Variants in SCIN observed in about 807,000 individuals in gnomAD.
The protein encoded by SCIN is adseverin.
Under a neutral mutation model 91.8 loss-of-function variants are expected in SCIN, and 91 were observed. The observed-to-expected ratio is 0.99, with a 90% CI of 0.84 to 1.18. The LOEUF is 1.18. Among genes scored for constraint, SCIN ranks in the 50% most tolerant of loss-of-function variants. The pLI is 0.00. For missense variants in SCIN, 1,087 were observed against 863.9 expected (o/e 1.26, Z -3.24); for synonymous variants, 367 against 312.6 (o/e 1.17, Z -1.84).
At position 12,629,234 on chromosome 7, in the gene SCIN, C is replaced by T. The variant is rs377629584; in HGVS notation, c.1319+12C>T. On this transcript the variant is annotated intron_variant, in intron 9 of 15. Transcript: ENST00000297029. ...ATTATCTACACGTGGTGAGTTTATACGGGTAAAGATCTCGAGTTCCACAGG... is the reference window on the plus strand; with the variant it reads ...ATTATCTACACGTGGTGAGTTTATATGGGTAAAGATCTCGAGTTCCACAGG... The T allele has an allele frequency of 8.7e-5, 138 of 1,594,010 alleles. 1 individual carries two copies. In the South Asian group the frequency reaches 9.0e-4, roughly 10 times the overall value.
chr7:12,627,159 T>C (rs1316677049), intron 8 of SCIN, among the ~76,000 whole-genome samples: 3 of 152,082 alleles, frequency 2.0e-5, no homozygotes, highest in Non-Finnish European at 4.4e-5. Flanking sequence ...TATATACATA[T>C]ATATTTATAA....
At chr7:12,626,140 T>TA (rs2115274804) in intron 7 of SCIN, 1 of 356,684 alleles carries the variant, frequency 2.8e-6, no homozygotes, top group Admixed American at 4.4e-5. Flanking sequence ...TTAAGAGTTA[T>TA]TATTCCTTAG....
Position 12,660,034 on chromosome 7 carries a change from C to G in SCIN, c.*7319C>G, listed in dbSNP as rs1367144258. On this transcript the variant is annotated 3_prime_UTR_variant, in exon 16 of 16. Transcript: ENST00000297029. ...GAGAATGTACTTTGTGAGATCCACC[C>G]CCTGCCAGCAAAACATTGCTCCTGA... is the stretch of plus-strand genomic sequence containing the variant. 6.6e-6 allele frequency: 1 copy of G among 152,386 alleles called. No homozygotes were observed. Among genetic ancestry groups the G allele is most frequent in the Middle Eastern group, 3.4e-3 (1 of 294 alleles). 9.4% of individuals were successfully genotyped at this position (152,386 alleles called of 1,614,324 possible). A position where few individuals can be genotyped will look rare whatever the true frequency, so the allele number is the denominator to read the frequency against.
In SCIN at chr7:12,581,187, A is replaced by T. The variant is rs1234865446; in HGVS notation, c.482A>T (p.Asn161Ile). ...GTTCCCCTTAGCTGGGACAGTTTCA[A>T]CAAGGGTGACTGCTTCATCATTGAC... ...TEVPLSWDSF[N>I]KGDCFIIDLG... Residue 161 changes from asparagine (N) to isoleucine (I), a missense_variant, in exon 3 of 16, where the codon AAC (asparagine) becomes ATC (isoleucine). Asn to Ile is a moderately radical substitution (Grantham distance 149, BLOSUM62 -3). Coordinates refer to ENST00000297029, the MANE Select transcript of SCIN (RefSeq NM_001112706.3). The T allele has an allele frequency of 1.3e-6, 2 of 1,551,514 alleles. No homozygotes were observed. The highest frequency in any genetic ancestry group is 2.0e-5 in the Admixed American group (1 of 51,008).
rs763649309 is a variant in SCIN, at chr7:12,625,024, T to C, written c.774T>C (p.Ser258=). Reference sequence around the variant, plus strand: ...TTTTATATTAGGTTTCAGATGCAAGTGGCTCCATGAGAGTGACTGTGGTGG... The same window carrying C: ...TTTTATATTAGGTTTCAGATGCAAGCGGCTCCATGAGAGTGACTGTGGTGG... ...MAKLYMVSDA[S]GSMRVTVVAE... Residue 258 remains serine (S), a synonymous_variant, in exon 6 of 16, where the codon AGT becomes AGC. Transcript: ENST00000297029. 6.4e-7 allele frequency: 1 copy of C among 1,563,190 alleles called. No individual in the cohort carries two copies. The highest frequency in any genetic ancestry group is 8.7e-7 in the Non-Finnish European group (1 of 1,152,378).
intron 3 of SCIN, among the ~76,000 whole-genome samples, chr7:12,588,680 G>T (rs935509486): frequency 6.6e-6 from 1 of 151,692 alleles, no homozygotes; most frequent in Non-Finnish European, 1.5e-5. Flanking sequence ...GTTTATCCAC[G>T]TTTCTCGTGA....
At chr7:12,596,290 A>G in intron 3 of SCIN, 1 of 450,694 alleles carries the variant, frequency 2.2e-6, no homozygotes, top group Admixed American at 2.4e-5. Context: ...CCAGAAGGTC[A>G]TACTCCACCA....
intron 11 of SCIN, among the ~76,000 whole-genome samples, chr7:12,641,703 C>T (rs1313849980): frequency 6.6e-6 from 1 of 152,154 alleles, no homozygotes; most frequent in Non-Finnish European, 1.5e-5. Context: ...CAACTCTCTC[C>T]TGTCCTTTGG....
chr7:12,594,049 A>G (rs1458226377), intron 3 of SCIN, among the ~76,000 whole-genome samples: 4 of 152,316 alleles, frequency 2.6e-5, no homozygotes, highest in East Asian at 1.9e-4. Flanking sequence ...GGACGTGGAC[A>G]TGGACGATCC....
In SCIN at chr7:12,615,399, A is replaced by T. The variant is rs117177838; in HGVS notation, c.667-7402A>T. ...GTTCTCATGAGGTCTGATGGTTTTA[A>T]AGGTGGTAGTTTTTTCCTTTGTGTT... On this transcript the variant is annotated intron_variant, in intron 4 of 15. Coordinates refer to ENST00000297029, the MANE Select transcript of SCIN (RefSeq NM_001112706.3). 9.7e-4 allele frequency among the ~76,000 whole-genome samples: 147 copies of T among 152,014 alleles called. 1 individual carries two copies. Among genetic ancestry groups the T allele is most frequent in the Admixed American group, 1.5e-3 (23 of 15,234 alleles).
chr7:12,628,584 G>A lies in SCIN; in HGVS notation c.1198-517G>A, dbSNP rs76143957. On this transcript the variant is annotated intron_variant, in intron 8 of 15. Transcript: ENST00000297029. ...CACCTCCTAATACCATCACACTGGA[G>A]GTTAGGATTTCAACATACATTGTGG... Among the ~76,000 whole-genome samples the A allele has an allele frequency of 2.5e-3, 386 of 152,242 alleles. 7 individuals are homozygous for A. In the East Asian group the frequency reaches 0.062, roughly 24 times the overall value.
Position 12,578,091 on chromosome 7 carries a change from C to T in SCIN, c.227C>T (p.Thr76Ile). The change falls in exon 2 of 16, where the codon ACA becomes ATA. Residue 76 changes from threonine (T) to isoleucine (I), a missense_variant. Transcript: ENST00000297029. ...LGKECSQDESTAAAIFTVQMD... is the reference protein window; with the variant it reads ...LGKECSQDESIAAAIFTVQMD... Reference sequence around the variant, plus strand: ...AAGGAGTGTTCCCAGGATGAAAGCACAGCTGCTGCCATCTTCACTGTTCAG... The same window carrying T: ...AAGGAGTGTTCCCAGGATGAAAGCATAGCTGCTGCCATCTTCACTGTTCAG... 1.3e-6 allele frequency: 2 copies of T among 1,547,282 alleles called. No individual in the cohort carries two copies. The highest frequency in any genetic ancestry group is 1.2e-5 in the South Asian group (1 of 83,320).
intron 3 of SCIN, among the ~76,000 whole-genome samples, chr7:12,597,109 T>G (rs1782858829): frequency 6.6e-6 from 1 of 152,232 alleles, no homozygotes. Context: ...TGAGTTGAGC[T>G]GGCTTTGAGG....
At chr7:12,603,238 G>A (rs1250152298) in intron 3 of SCIN, among the ~76,000 whole-genome samples, 1 of 151,842 alleles carries the variant, frequency 6.6e-6, no homozygotes, top group Non-Finnish European at 1.5e-5. Context: ...TTTGCCTCCC[G>A]GGTTCACGCC....
intron 1 of SCIN, among the ~76,000 whole-genome samples, chr7:12,573,947 G>C (rs999125585): frequency 2.0e-5 from 3 of 152,088 alleles, no homozygotes; most frequent in African/African-American, 7.2e-5. Flanking sequence ...GCATGGGGGT[G>C]GGTACATGCA....
chr7:12,640,971 T>C (rs1783846292), intron 11 of SCIN, among the ~76,000 whole-genome samples: 1 of 152,168 alleles, frequency 6.6e-6, no homozygotes, highest in Non-Finnish European at 1.5e-5. Context: ...CCATGAGCTG[T>C]TTCTGACAGC....
chr7:12,657,572 ATTTTTTTTTTTTT>A lies in SCIN; in HGVS notation c.*4871_*4883del, dbSNP rs71030521. ...TATATATATATATATATATATATAT[ATTTTTTTTTTTTT>A]TTTTTTTTTTTTTGCATTGGCAAAA... On this transcript the variant is annotated 3_prime_UTR_variant, in exon 16 of 16. Coordinates refer to ENST00000297029, the MANE Select transcript of SCIN (RefSeq NM_001112706.3). 8 of 22,088 alleles carry A rather than the reference ATTTTTTTTTTTTT, an allele frequency of 3.6e-4. No individual in the cohort carries two copies. Among genetic ancestry groups the A allele is most frequent in the African/African-American group, 6.5e-4 (8 of 12,388 alleles). The allele number at this position is 22,088 out of a possible 1,614,324, so 1.4% of individuals were successfully genotyped here. A position where few individuals can be genotyped will look rare whatever the true frequency, so the allele number is the denominator to read the frequency against.
Position 12,629,093 on chromosome 7 carries a change from C to G in SCIN, c.1198-8C>G, listed in dbSNP as rs781445579. 4 of 1,607,638 alleles carry G rather than the reference C, an allele frequency of 2.5e-6. No individual in the cohort carries two copies. In the South Asian group the frequency reaches 4.4e-5, roughly 18 times the overall value. On this transcript the variant is annotated splice_polypyrimidine_tract_variant and splice_region_variant and intron_variant, in intron 8 of 15. Coordinates refer to ENST00000297029, the MANE Select transcript of SCIN (RefSeq NM_001112706.3). ...TGTAATTTGTTGTATATATTCCATT[C>G]CTTCCAGATTTGGCGTGTAGAAAAC...
intron 3 of SCIN, chr7:12,589,528 C>CTT (rs1782673115): frequency 6.6e-6 from 1 of 152,314 alleles, no homozygotes; most frequent in Non-Finnish European, 1.5e-5. Context: ...CGGCCAGAAG[C>CTT]TTTTTCATTT....
Sources: gnomAD v4.1 joint callset for allele counts (sites outside exome capture counted in the v4.1 genomes callset) on GRCh38, gnomAD v4.1.1 for gene constraint, MANE v1.5 for transcripts, NCBI Gene and HGNC (gene_info 2026-07-23, HGNC 2026-07-21) for gene names.